Variants in CAMTA1 observed in about 807,000 individuals in gnomAD.
CAMTA1 encodes calmodulin-binding transcription activator 1.
Under a neutral mutation model 170.9 loss-of-function variants are expected in CAMTA1, and 27 were observed. The observed-to-expected ratio is 0.16, with a 90% CI of 0.12 to 0.22. The LOEUF is 0.22. Among genes scored for constraint, CAMTA1 ranks in the 10% least tolerant of loss-of-function variants. The pLI is 1.00. For missense variants in CAMTA1, 1,619 were observed against 2,217.2 expected, an observed-to-expected ratio of 0.73 and a Z score of 5.42; for synonymous variants, 833 against 891.5, an observed-to-expected ratio of 0.93 and a Z score of 1.17.
intron 5 of CAMTA1, among the ~76,000 whole-genome samples, chr1:7,396,231 C>A (rs1575103843): frequency 6.6e-6 from 1 of 152,202 alleles, no homozygotes; most frequent in Non-Finnish European, 1.5e-5. Flanking sequence ...ACACCTCTCT[C>A]TTGCCTCCTC....
intron 5 of CAMTA1, among the ~76,000 whole-genome samples, chr1:7,432,848 G>C (rs766431466): frequency 6.6e-6 from 1 of 152,126 alleles, no homozygotes; most frequent in Admixed American, 6.5e-5. Context: ...TGTTTATTTC[G>C]CTCTCTGCAG....
intron 3 of CAMTA1, among the ~76,000 whole-genome samples, chr1:6,845,332 C>T (rs138857885): frequency 7.8e-4 from 118 of 152,240 alleles, no homozygotes; most frequent in African/African-American, 2.7e-3. Flanking sequence ...CTGGCATCTC[C>T]GTTTATATCT....
At chr1:7,278,233 C>T (rs937045427) in intron 5 of CAMTA1, among the ~76,000 whole-genome samples, 19 of 152,188 alleles carry the variant, frequency 1.2e-4, no homozygotes, top group African/African-American at 3.4e-4. Context: ...CAGGACTTGG[C>T]GCAGGGTGGG....
chr1:7,361,407 G>T (rs1305664079), intron 5 of CAMTA1, among the ~76,000 whole-genome samples: 3 of 152,170 alleles, frequency 2.0e-5, no homozygotes, highest in Non-Finnish European at 4.4e-5. Context: ...GGAAAAGCTG[G>T]GGAGGTGACC....
intron 3 of CAMTA1, among the ~76,000 whole-genome samples, chr1:6,841,396 A>G (rs544846987): frequency 1.4e-4 from 22 of 152,294 alleles, no homozygotes; most frequent in Middle Eastern, 3.4e-3. Flanking sequence ...GGGTATCACA[A>G]AGGTTACTGG....
intron 3 of CAMTA1, among the ~76,000 whole-genome samples, chr1:6,845,315 G>C (rs919043263): frequency 6.6e-6 from 1 of 152,186 alleles, no homozygotes; most frequent in Non-Finnish European, 1.5e-5. Context: ...GGACAAGCTG[G>C]AACCCTCTGG....
At chr1:6,822,811 CACACACACACACACAA>C (rs1444805636) in intron 2 of CAMTA1, among the ~76,000 whole-genome samples, 3 of 151,450 alleles carry the variant, frequency 2.0e-5, no homozygotes, top group Non-Finnish European at 2.9e-5. Flanking sequence ...CACACACACA[CACACACACACACACAA>C]ACACACACAC....
At chr1:6,881,588 G>A (rs1259333505) in intron 3 of CAMTA1, among the ~76,000 whole-genome samples, 1 of 152,160 alleles carries the variant, frequency 6.6e-6, no homozygotes, top group Admixed American at 6.5e-5. Context: ...GTGCAGCCCC[G>A]CAGGGCTTGG....
rs151133674 is a variant in CAMTA1 at position 7,029,823 on chromosome 1, C to T, written c.235-61481C>T. Reference sequence around the variant, plus strand: ...AACTTATTAAAATTACAGTAATAAACTCATTTTATGTTAACATAAATAACA... The same window carrying T: ...AACTTATTAAAATTACAGTAATAAATTCATTTTATGTTAACATAAATAACA... On this transcript the variant is annotated intron_variant, in intron 3 of 22. Transcript: ENST00000303635. Among the ~76,000 whole-genome samples, 1,315 of 152,214 alleles carry T rather than the reference C, an allele frequency of 8.6e-3. 11 individuals are homozygous for T. The highest frequency in any genetic ancestry group is 0.027 in the Admixed American group (408 of 15,286).
At chr1:7,002,140 C>A (rs556527349) in intron 3 of CAMTA1, among the ~76,000 whole-genome samples, 4 of 152,152 alleles carry the variant, frequency 2.6e-5, no homozygotes, top group Non-Finnish European at 5.9e-5. Context: ...TTGTGATCCA[C>A]CTGCCTCAGC....
chr1:7,485,483 T>C (rs2093605781), intron 6 of CAMTA1, among the ~76,000 whole-genome samples: 2 of 152,176 alleles, frequency 1.3e-5, no homozygotes, highest in Non-Finnish European at 2.9e-5. Flanking sequence ...AATTCTGAAC[T>C]TGGAGTAGTA....
At chr1:7,322,795 T>C (rs1557514358) in intron 5 of CAMTA1, among the ~76,000 whole-genome samples, 1 of 152,248 alleles carries the variant, frequency 6.6e-6, no homozygotes, top group Non-Finnish European at 1.5e-5. Flanking sequence ...CTTCTTCCCT[T>C]AATAAGAATT....
At chr1:7,671,284 C>T (rs2096058282) in intron 10 of CAMTA1, among the ~76,000 whole-genome samples, 2 of 152,192 alleles carry the variant, frequency 1.3e-5, no homozygotes, top group South Asian at 4.1e-4. Flanking sequence ...GATGAGAGCA[C>T]GATTTAGGGC....
rs1039025883 is a variant in CAMTA1, at chr1:7,588,678, C to A, written c.511-51722C>A. Among the ~76,000 whole-genome samples the A allele has an allele frequency of 6.6e-6, 1 of 152,200 alleles. No homozygotes were observed. The highest frequency in any genetic ancestry group is 6.5e-5 in the Admixed American group (1 of 15,288). On this transcript the variant is annotated intron_variant, in intron 6 of 22. Transcript: ENST00000303635. This position sits in a 1 kb window ranked among gnomAD's most constrained non-coding sequence, Gnocchi z 5.8. ...GGGCAACCCCAGGGCCACGACTGGG[C>A]TCCTGGCAGCACGGCCAGATGGACC...
At chr1:7,083,447 G>A (rs1405505059) in intron 3 of CAMTA1, among the ~76,000 whole-genome samples, 1 of 152,216 alleles carries the variant, frequency 6.6e-6, no homozygotes, top group Non-Finnish European at 1.5e-5. Flanking sequence ...TGGGTGGGGG[G>A]TCCGGGATAT....
chr1:6,972,725 C>T (rs927307532), intron 3 of CAMTA1, among the ~76,000 whole-genome samples: 3 of 152,034 alleles, frequency 2.0e-5, no homozygotes, highest in South Asian at 4.2e-4. Context: ...TCAGTGTAGA[C>T]GTCTTTCTGT....
At chr1:7,718,674 C>T (rs1019244943) in intron 11 of CAMTA1, among the ~76,000 whole-genome samples, 1 of 151,472 alleles carries the variant, frequency 6.6e-6, no homozygotes, top group Non-Finnish European at 1.5e-5. Context: ...TCTCCTGCCT[C>T]AGCCTCCCGA....
intron 4 of CAMTA1, among the ~76,000 whole-genome samples, chr1:7,209,194 A>G (rs1390330926): frequency 2.6e-5 from 4 of 152,204 alleles, no homozygotes; most frequent in Non-Finnish European, 5.9e-5. Context: ...GCTGTTAAAA[A>G]GAGGTTAGGA....
chr1:7,469,405 C>T (rs965363886), intron 6 of CAMTA1, among the ~76,000 whole-genome samples: 3 of 152,192 alleles, frequency 2.0e-5, no homozygotes, highest in South Asian at 2.1e-4. Flanking sequence ...AGAGTTCTGG[C>T]GGCTGAGTCA....
Sources: allele counts gnomAD v4.1 joint callset (sites outside exome capture counted in the v4.1 genomes callset), GRCh38; gene constraint gnomAD v4.1.1; non-coding constraint Gnocchi (gnomAD v3.1); transcripts MANE v1.5; gene names NCBI Gene and HGNC (gene_info 2026-07-23, HGNC 2026-07-21).